Variants in RFX3 observed in about 807,000 individuals in gnomAD.
RFX3 encodes regulatory factor X3.
In RFX3, 14 loss-of-function variants were observed where a neutral mutation model predicts 98.6. That is an observed-to-expected ratio of 0.14 (90% CI 0.09 to 0.22). The LOEUF (loss-of-function observed/expected upper bound fraction) is 0.22. Ranked by LOEUF, RFX3 falls within the 10% of genes least tolerant of loss-of-function variation. RFX3 has a pLI of 1.00. For synonymous variants in RFX3, 383 were observed against 328.4 expected (o/e 1.17, Z -1.80); for missense variants, 639 against 926.9 (o/e 0.69, Z 4.03).
chr9:3,328,469 T>G (rs1419317793), intron 4 of RFX3, among the ~76,000 whole-genome samples: 1 of 152,166 alleles, frequency 6.6e-6, no homozygotes, highest in African/African-American at 2.4e-5. Flanking sequence ...GCAATCCCCT[T>G]GTAATCTACA....
intron 7 of RFX3, among the ~76,000 whole-genome samples, chr9:3,287,175 A>G (rs1005165512): frequency 4.0e-5 from 6 of 151,890 alleles, no homozygotes; most frequent in African/African-American, 1.2e-4. Context: ...TGTGTGATAT[A>G]TTCTTTTCTC....
At chr9:3,354,346 T>G (rs1225933548) in intron 2 of RFX3, among the ~76,000 whole-genome samples, 1 of 151,738 alleles carries the variant, frequency 6.6e-6, no homozygotes, top group Non-Finnish European at 1.5e-5. Context: ...AATTTAAGCC[T>G]AGCCAGGGCA....
chr9:3,477,260 A>C (rs1849352191), intron 1 of RFX3, among the ~76,000 whole-genome samples: 1 of 152,216 alleles, frequency 6.6e-6, no homozygotes, highest in Non-Finnish European at 1.5e-5. Flanking sequence ...CATGTCTTTC[A>C]TAATGCCTGT....
intron 14 of RFX3, among the ~76,000 whole-genome samples, chr9:3,254,541 CT>C (rs75879335): frequency 3.3e-3 from 468 of 142,456 alleles, no homozygotes; most frequent in Middle Eastern, 0.011. Flanking sequence ...TATCTGAAAT[CT>C]TTTTTTTTTT....
At chr9:3,470,318 CTTT>C (rs1022376234) in intron 1 of RFX3, among the ~76,000 whole-genome samples, 3 of 142,260 alleles carry the variant, frequency 2.1e-5, no homozygotes. Flanking sequence ...TTTCTTTTTC[CTTT>C]TTTTTTTTTT....
At chr9:3,239,599 G>A (rs1343523053) in intron 15 of RFX3, among the ~76,000 whole-genome samples, 1 of 152,234 alleles carries the variant, frequency 6.6e-6, no homozygotes, top group Non-Finnish European at 1.5e-5. Context: ...ACAAGTGAGT[G>A]TGCAGGCGGT....
At chr9:3,455,237 A>C (rs1304217279) in intron 1 of RFX3, among the ~76,000 whole-genome samples, 1 of 152,192 alleles carries the variant, frequency 6.6e-6, no homozygotes, top group African/African-American at 2.4e-5. Context: ...CTACCGTTTC[A>C]GGTTTAGAGC....
intron 6 of RFX3, among the ~76,000 whole-genome samples, chr9:3,291,918 G>A (rs562276172): frequency 3.3e-5 from 5 of 151,600 alleles, no homozygotes; most frequent in Admixed American, 2.0e-4. Flanking sequence ...TTAGCTGGAC[G>A]TGGTGGCACA....
At chr9:3,356,812 G>T (rs1179651703) in intron 2 of RFX3, among the ~76,000 whole-genome samples, 2 of 151,658 alleles carry the variant, frequency 1.3e-5, no homozygotes, top group Non-Finnish European at 2.9e-5. Context: ...AGAATGCAAT[G>T]CCAGTTTAAT....
intron 1 of RFX3, among the ~76,000 whole-genome samples, chr9:3,429,336 C>T (rs960214523): frequency 6.7e-6 from 1 of 150,366 alleles, no homozygotes; most frequent in African/African-American, 2.4e-5. Flanking sequence ...TTTAGTTATT[C>T]TTATGATTAA....
chr9:3,276,437 G>C (rs1406583426), intron 8 of RFX3, among the ~76,000 whole-genome samples: 2 of 152,048 alleles, frequency 1.3e-5, no homozygotes, highest in African/African-American at 4.8e-5. Flanking sequence ...TAAAATTGCA[G>C]AACAGTATTT....
At chr9:3,271,168 C>G (rs1030680651) in intron 9 of RFX3, 50 bp from the exon 10 acceptor site, 2 of 1,500,690 alleles carry the variant, frequency 1.3e-6, no homozygotes, top group African/African-American at 1.4e-5. Flanking sequence ...ATTTACGGGA[C>G]TGTGTGAGGA....
At chr9:3,420,966 T>C in intron 1 of RFX3, 4 of 955,144 alleles carry the variant, frequency 4.2e-6, no homozygotes, top group Non-Finnish European at 4.9e-6. Flanking sequence ...GAAACTAGCC[T>C]AAGGAGTAAT....
Position 3,219,018 on chromosome 9 carries a change from A to C in RFX3, c.*6024T>G, listed in dbSNP as rs1407933734. The C allele has an allele frequency of 1.3e-5, 2 of 152,142 alleles. No homozygotes were observed. Among genetic ancestry groups the C allele is most frequent in the Non-Finnish European group, 2.9e-5 (2 of 68,018 alleles). The allele number at this position is 152,142 out of a possible 1,614,324, so 9.4% of individuals were successfully genotyped here. A position where few individuals can be genotyped will look rare whatever the true frequency, so the allele number is the denominator to read the frequency against. Reference sequence around the variant, plus strand: ...GATTGGTAAGCACTACAATTAACCTAATTAAAAGTTTACCACCTCAGGCAC... The same window carrying C: ...GATTGGTAAGCACTACAATTAACCTCATTAAAAGTTTACCACCTCAGGCAC... On this transcript the variant is annotated 3_prime_UTR_variant, in exon 17 of 17. Coordinates refer to ENST00000617270, the MANE Select transcript of RFX3 (RefSeq NM_001282116.2).
At position 3,298,741 on chromosome 9, in the gene RFX3, G is replaced by A. The variant is rs191358564; in HGVS notation, c.549+2805C>T. Among the ~76,000 whole-genome samples the A allele has an allele frequency of 1.7e-4, 26 of 151,902 alleles. No individual in the cohort carries two copies. In the East Asian group the frequency reaches 5.0e-3, roughly 29 times the overall value. ...AAAGTGTGGAAAGGTGTAAAGCAAA[G>A]CAATCAAGTTGGATTCTGCTGAGGG... On this transcript the variant is annotated intron_variant, in intron 5 of 16. Coordinates refer to ENST00000617270, the MANE Select transcript of RFX3 (RefSeq NM_001282116.2).
At chr9:3,326,075 T>A (rs1242052947) in intron 4 of RFX3, among the ~76,000 whole-genome samples, 2 of 152,120 alleles carry the variant, frequency 1.3e-5, no homozygotes, top group African/African-American at 4.8e-5. Context: ...TGTTATAACA[T>A]CTTTCTGAAA....
chr9:3,330,260 G>T lies in RFX3; in HGVS notation c.473C>A (p.Thr158Lys). 6.2e-7 allele frequency: 1 copy of T among 1,613,950 alleles called. No individual in the cohort carries two copies. Among genetic ancestry groups the T allele is most frequent in the Non-Finnish European group, 8.5e-7 (1 of 1,179,928 alleles). The change falls in exon 4 of 17, where the codon ACA becomes AAA. Residue 158 changes from threonine (T) to lysine (K), a missense_variant and splice_region_variant. Thr to Lys is a moderately conservative substitution (Grantham distance 78). This residue lies in a region of RFX3 where 210 missense variants were observed against 197.7 expected (regional missense o/e 1.06). Transcript: ENST00000617270. The stretch of plus-strand genomic sequence containing the variant: ...ACTACTAAAAATTCAAATACTTACT[G>T]TCGCTGGGGAGGCCCGAGTTGTGTG... ...VTHTTRASPA[T>K]IEMAIETLQK...
chr9:3,269,674 C>T (rs1227594807), intron 11 of RFX3, among the ~76,000 whole-genome samples: 1 of 152,112 alleles, frequency 6.6e-6, no homozygotes, highest in Non-Finnish European at 1.5e-5. Flanking sequence ...GGTAATCTAA[C>T]CTATCTATGT....
chr9:3,417,982 G>T (rs1022910232), intron 1 of RFX3, among the ~76,000 whole-genome samples: 2 of 152,170 alleles, frequency 1.3e-5, no homozygotes, highest in Non-Finnish European at 2.9e-5. Context: ...AGCAGATATA[G>T]ATTCTACAAA....
Sources: allele counts gnomAD v4.1 joint callset (sites outside exome capture counted in the v4.1 genomes callset), GRCh38; gene constraint gnomAD v4.1.1; regional missense constraint gnomAD v4.1.1; transcripts MANE v1.5; gene names NCBI Gene and HGNC (gene_info 2026-07-23, HGNC 2026-07-21).